The following PRCP variants were observed in gnomAD, a reference collection of about 807,000 sequenced individuals.
PRCP encodes the protein prolylcarboxypeptidase.
PRCP carries 46 observed loss-of-function variants against 54.2 expected under a neutral mutation model. That is an observed-to-expected ratio of 0.85 (90% confidence interval 0.67 to 1.09). The LOEUF (loss-of-function observed/expected upper bound fraction) is 1.09. Among genes scored for constraint, PRCP ranks in the 50% least tolerant of loss-of-function variants. The probability of loss-of-function intolerance (pLI) is 0.00; values close to 1 mark genes in which losing one functional copy is unlikely to be tolerated. For synonymous variants in PRCP, 240 were observed against 212.2 expected, an observed-to-expected ratio of 1.13 and a Z score of -1.14; for missense variants, 613 against 596.8, an observed-to-expected ratio of 1.03 and a Z score of -0.28.
chr11:82,834,143 C>T (rs1347187914), intron 8 of PRCP, among the ~76,000 whole-genome samples: 3 of 152,192 alleles, frequency 2.0e-5, no homozygotes, highest in African/African-American at 7.2e-5. Flanking sequence ...GAGACTGGGC[C>T]GTCACCAGAC....
chr11:82,857,344 A>G (rs1041598092), intron 2 of PRCP, among the ~76,000 whole-genome samples: 2 of 152,230 alleles, frequency 1.3e-5, no homozygotes, highest in African/African-American at 4.8e-5. Flanking sequence ...GATTACCCCC[A>G]TTTTATAGAC....
chr11:82,875,677 C>G (rs979325271), intron 1 of PRCP, among the ~76,000 whole-genome samples: 4 of 152,096 alleles, frequency 2.6e-5, no homozygotes, highest in African/African-American at 7.2e-5. Flanking sequence ...AGGAGACAAG[C>G]AAGCAAAGAA....
At position 82,827,328 on chromosome 11, in the gene PRCP, G is replaced by A. The variant is rs531089135; in HGVS notation, c.1275-2206C>T. On this transcript the variant is annotated intron_variant, in intron 8 of 8. Transcript: ENST00000313010. ...TTTATGGTATGGTATCCAAGAAACT[G>A]GTGTCTAACCCACGGTCATGAAGAT... 3.3e-5 allele frequency: 5 copies of A among 152,192 alleles called. No individual in the cohort carries two copies. In the East Asian group the frequency reaches 9.7e-4, roughly 29 times the overall value. 9.4% of individuals were successfully genotyped at this position (152,192 alleles called of 1,614,324 possible). A position where few individuals can be genotyped will look rare whatever the true frequency, so the allele number is the denominator to read the frequency against.
chr11:82,830,283 A>C (rs1456655510), intron 8 of PRCP: 3 of 152,152 alleles, frequency 2.0e-5, no homozygotes, highest in African/African-American at 7.2e-5. Flanking sequence ...TTATATGAGA[A>C]AAAAACATTT....
chr11:82,893,071 T>C (rs775359818), intron 1 of PRCP, among the ~76,000 whole-genome samples: 3 of 152,192 alleles, frequency 2.0e-5, no homozygotes, highest in Admixed American at 2.0e-4. Context: ...TACCCTGTGA[T>C]TGGGTACAGT....
intron 1 of PRCP, among the ~76,000 whole-genome samples, chr11:82,883,262 T>C (rs1859793553): frequency 6.6e-6 from 1 of 152,134 alleles, no homozygotes; most frequent in South Asian, 2.1e-4. Flanking sequence ...ACCCAGCCCA[T>C]GGCAGGGAGG....
At chr11:82,864,895 A>C (rs900129386) in intron 1 of PRCP, among the ~76,000 whole-genome samples, 3 of 152,174 alleles carry the variant, frequency 2.0e-5, no homozygotes, top group Admixed American at 2.0e-4. Flanking sequence ...AAAACCACTC[A>C]AGAATAAAGT....
At chr11:82,884,736 C>T in intron 1 of PRCP, 1 of 1,579,472 alleles carries the variant, frequency 6.3e-7, no homozygotes, top group Non-Finnish European at 8.6e-7. Context: ...ACTTTCAGTG[C>T]CATCTTGGCC....
Position 82,878,483 on chromosome 11 carries a change from A to G in PRCP, c.169-18366T>C, listed in dbSNP as rs182704909. Among the ~76,000 whole-genome samples the G allele has an allele frequency of 5.3e-3, 807 of 152,296 alleles. 1 individual carries two copies. Among genetic ancestry groups the G allele is most frequent in the Non-Finnish European group, 8.8e-3 (598 of 68,022 alleles). ...GGACAAATGGGGAGGTAATTGAATC[A>G]TGGGGGTCGTTCCCATGCTATTCTC... On this transcript the variant is annotated intron_variant, in intron 1 of 8. Coordinates refer to ENST00000313010, the MANE Select transcript of PRCP (RefSeq NM_005040.4).
intron 5 of PRCP, 67 bp from the exon 6 acceptor site, chr11:82,849,285 T>C (rs1012552636): frequency 1.3e-6 from 2 of 1,516,460 alleles, no homozygotes; most frequent in African/African-American, 1.4e-5. Flanking sequence ...ACAGATCATT[T>C]ATTCTTCACA....
chr11:82,870,465 C>A (rs1335843726), intron 1 of PRCP, among the ~76,000 whole-genome samples: 1 of 152,200 alleles, frequency 6.6e-6, no homozygotes, highest in Non-Finnish European at 1.5e-5. Context: ...GGAACCCCTT[C>A]TCCACTGGGA....
At chr11:82,857,388 T>C (rs1274744601) in intron 2 of PRCP, among the ~76,000 whole-genome samples, 2 of 152,256 alleles carry the variant, frequency 1.3e-5, no homozygotes, top group East Asian at 3.8e-4. Flanking sequence ...TAAATAACTT[T>C]CAACATTCAC....
At chr11:82,841,974 G>C (rs144656542) in intron 6 of PRCP, among the ~76,000 whole-genome samples, 304 of 152,276 alleles carry the variant, frequency 2.0e-3, no homozygotes, top group African/African-American at 7.0e-3. Flanking sequence ...CTACAAAGTA[G>C]ACACATGGAA....
Position 82,832,594 on chromosome 11 carries a change from C to G in PRCP, c.1274+5793G>C, listed in dbSNP as rs11233330. Among the ~76,000 whole-genome samples the G allele has an allele frequency of 5.1e-3, 776 of 152,284 alleles. 6 individuals carry two copies. The highest frequency in any genetic ancestry group is 0.016 in the African/African-American group (685 of 41,550). ...CATTTGTTTAAGTTCCTTGTAGATT[C>G]TAGATATTAGCCCTTTGTTAGATGG... On this transcript the variant is annotated intron_variant, in intron 8 of 8. Coordinates refer to ENST00000313010, the MANE Select transcript of PRCP (RefSeq NM_005040.4).
At chr11:82,834,448 T>C (rs1858467196) in intron 8 of PRCP, among the ~76,000 whole-genome samples, 1 of 152,256 alleles carries the variant, frequency 6.6e-6, no homozygotes, top group Admixed American at 6.5e-5. Flanking sequence ...TGAAGAATCC[T>C]GTTGAGAACA....
In PRCP at chr11:82,889,883, G is replaced by A. The variant is rs1859963553; in HGVS notation, c.168+10352C>T. Among the ~76,000 whole-genome samples, 6 of 152,310 alleles carry A rather than the reference G, an allele frequency of 3.9e-5. No individual in the cohort carries two copies. In the East Asian group the frequency reaches 9.6e-4, roughly 24 times the overall value. ...TTCAACTGGAGGAGAGGTGATTTATGTGACAACCCATGGGAGCTGTACCGG... is the reference window on the plus strand; with the variant it reads ...TTCAACTGGAGGAGAGGTGATTTATATGACAACCCATGGGAGCTGTACCGG... On this transcript the variant is annotated intron_variant, in intron 1 of 8. Transcript: ENST00000313010.
At chr11:82,879,699 G>A (rs969445089) in intron 1 of PRCP, among the ~76,000 whole-genome samples, 36 of 152,328 alleles carry the variant, frequency 2.4e-4, no homozygotes, top group East Asian at 7.7e-4. Context: ...TGATGGTGAC[G>A]TACAGATGGG....
At chr11:82,901,578 GGAGAAAGACTCTACCCGCA>G (rs1860300380), upstream of PRCP, 1 of 152,452 alleles carries the variant, frequency 6.6e-6, no homozygotes, top group Non-Finnish European at 1.5e-5. Context: ...CACCTGTCGG[GGAGAAAGACTCTACCCGCA>G]GTTTGACGAA....
intron 6 of PRCP, among the ~76,000 whole-genome samples, chr11:82,845,251 C>T (rs1045356111): frequency 3.9e-5 from 6 of 152,112 alleles, no homozygotes; most frequent in Non-Finnish European, 7.4e-5. Context: ...CCTTTAATCC[C>T]ACATGCACCA....
Sources: gnomAD v4.1 joint callset for allele counts (sites outside exome capture counted in the v4.1 genomes callset) on GRCh38, gnomAD v4.1.1 for gene constraint, MANE v1.5 for transcripts, NCBI Gene and HGNC (gene_info 2026-07-23, HGNC 2026-07-21) for gene names.